Variants in SLC38A8 observed in about 807,000 individuals in gnomAD.
SLC38A8 encodes the protein amino acid transporter SLC38A8.
Under a neutral mutation model 46.0 loss-of-function variants are expected in SLC38A8, and 65 were observed. The ratio of observed to expected loss-of-function variants is 1.41; its 90% CI spans 1.16 to 1.74. The LOEUF (loss-of-function observed/expected upper bound fraction) is 1.74, where lower values mean the gene tolerates loss of function less well. Among genes scored for constraint, SLC38A8 ranks in the 40% most tolerant of loss-of-function variants. SLC38A8 has a pLI of 0.00. For synonymous variants in SLC38A8, 447 were observed against 243.7 expected (o/e 1.83, Z -7.77); for missense variants, 998 against 567.9 (o/e 1.76, Z -7.70).
intron 7 of SLC38A8, among the ~76,000 whole-genome samples, chr16:84,021,761 C>T (rs1213202512): frequency 6.6e-6 from 1 of 152,206 alleles, no homozygotes; most frequent in East Asian, 1.9e-4. Context: ...AACAGAATGC[C>T]TGAAATTGAG....
intron 9 of SLC38A8, 74 bp downstream of exon 9, chr16:84,016,445 C>G: frequency 6.5e-7 from 1 of 1,535,866 alleles, no homozygotes; most frequent in Non-Finnish European, 8.8e-7. Context: ...CCTTGACCTC[C>G]AACACTGGGA....
intron 6 of SLC38A8, among the ~76,000 whole-genome samples, chr16:84,029,053 G>A (rs2085203904): frequency 6.6e-6 from 1 of 152,022 alleles, no homozygotes; most frequent in South Asian, 2.1e-4. Context: ...TACCCCTCAG[G>A]AGGCAGGATC....
Position 84,042,179 on chromosome 16 carries a change from G to A in SLC38A8, c.-2-20C>T, listed in dbSNP as rs1289248478. ...CCATGGCTAGAGGCGGCAGAGGGGT[G>A]GAGAGAAAGCACAGTCTTCACGCTT... On this transcript the variant is annotated intron_variant, in intron 1 of 10. Transcript: ENST00000299709. 5.6e-6 allele frequency: 9 copies of A among 1,594,862 alleles called. No homozygotes were observed. The highest frequency in any genetic ancestry group is 7.7e-6 in the Non-Finnish European group (9 of 1,172,094).
intron 2 of SLC38A8, 143 bp from the exon 3 acceptor site, chr16:84,037,043 C>T: frequency 6.3e-6 from 5 of 799,344 alleles, no homozygotes; most frequent in Non-Finnish European, 8.0e-6. Context: ...GGCAGTCTAC[C>T]AGCTATGTCA....
At chr16:84,017,000 C>G (rs1217060130) in intron 8 of SLC38A8, 140 bp downstream of exon 8, 52 of 1,263,104 alleles carry the variant, frequency 4.1e-5, no homozygotes, top group Non-Finnish European at 5.5e-5. Context: ...TACCTAAATC[C>G]TCTGTGCCTG....
intron 2 of SLC38A8, among the ~76,000 whole-genome samples, chr16:84,039,707 C>T (rs1052913603): frequency 1.4e-5 from 2 of 144,498 alleles, no homozygotes; most frequent in African/African-American, 2.6e-5. Context: ...GAGATCACGC[C>T]ATTGCACTCC....
At chr16:84,017,449 T>G (rs544593462) in intron 7 of SLC38A8, among the ~76,000 whole-genome samples, 162 bp from the exon 8 acceptor site, 1 of 152,198 alleles carries the variant, frequency 6.6e-6, no homozygotes, top group Non-Finnish European at 1.5e-5. Context: ...GTCCTAAGCC[T>G]ACACATGACT....
intron 2 of SLC38A8, among the ~76,000 whole-genome samples, chr16:84,038,887 T>A (rs2085333842): frequency 6.6e-6 from 1 of 152,244 alleles, no homozygotes; most frequent in African/African-American, 2.4e-5. Flanking sequence ...TAGATCACAA[T>A]TAGCTGAGCA....
chr16:84,019,571 C>G (rs1436775689), intron 7 of SLC38A8, among the ~76,000 whole-genome samples: 1 of 152,180 alleles, frequency 6.6e-6, no homozygotes, highest in Admixed American at 6.5e-5. Flanking sequence ...GACAATCAAT[C>G]AAACCACAGC....
rs969781549 is a variant in SLC38A8, at chr16:84,034,884, G to A, written c.389-1415C>T. Among the ~76,000 whole-genome samples, 17 of 152,200 alleles carry A rather than the reference G, an allele frequency of 1.1e-4. No homozygotes were observed. In the South Asian group the frequency reaches 1.7e-3, roughly 15 times the overall value. ...CAGGGCCAACAGCAGGACTGTACCAGCTCCTTCCTAAACCCAGCGTTCCCG... is the reference window on the plus strand; with the variant it reads ...CAGGGCCAACAGCAGGACTGTACCAACTCCTTCCTAAACCCAGCGTTCCCG... On this transcript the variant is annotated intron_variant, in intron 3 of 10. Transcript: ENST00000299709.
chr16:84,022,391 G>A (rs947693740), intron 7 of SLC38A8, among the ~76,000 whole-genome samples: 3 of 152,166 alleles, frequency 2.0e-5, no homozygotes, highest in African/African-American at 4.8e-5. Flanking sequence ...TGAGTCCACT[G>A]CACCCACAAA....
At position 84,016,653 on chromosome 16, in the gene SLC38A8, C is replaced by A; in HGVS notation, c.1028G>T (p.Gly343Val). Residue 343 changes from glycine (G) to valine (V), a missense_variant, in exon 9 of 11, where the codon GGG becomes GTG. Gly to Val is a moderately radical substitution (Grantham distance 109, BLOSUM62 -3). Transcript: ENST00000299709. ...GGTCAGCGGCATCCGGACCCACAGC[C>A]CTGAGGGGTCGGCCAGGGCGCTGGG... is the stretch of plus-strand genomic sequence containing the variant. ...WGPSALADPS[G>V]LWVRMPLTIL... The A allele has an allele frequency of 1.2e-6, 2 of 1,613,842 alleles. 1 individual carries two copies. Among genetic ancestry groups the A allele is most frequent in the South Asian group, 2.2e-5 (2 of 91,084 alleles).
chr16:84,021,466 G>C (rs1279090324), intron 7 of SLC38A8, among the ~76,000 whole-genome samples: 1 of 152,154 alleles, frequency 6.6e-6, no homozygotes, highest in Non-Finnish European at 1.5e-5. Flanking sequence ...CTTTACTCCA[G>C]CTTCCAAAAC....
At chr16:84,014,845 T>A (rs912609811) in intron 9 of SLC38A8, among the ~76,000 whole-genome samples, 2 of 152,180 alleles carry the variant, frequency 1.3e-5, no homozygotes, top group African/African-American at 4.8e-5. Context: ...ATAACCAACA[T>A]TTCTCTGTGG....
intron 3 of SLC38A8, among the ~76,000 whole-genome samples, chr16:84,035,929 G>C (rs145115045): frequency 4.6e-5 from 7 of 152,310 alleles, no homozygotes; most frequent in Non-Finnish European, 7.4e-5. Context: ...CACAGCTGTT[G>C]ACTGCCTTGA....
At chr16:84,022,551 T>C (rs2085107115) in intron 7 of SLC38A8, among the ~76,000 whole-genome samples, 1 of 152,180 alleles carries the variant, frequency 6.6e-6, no homozygotes, top group African/African-American at 2.4e-5. Flanking sequence ...GCTTTGCAGA[T>C]CTAGCTGTGA....
At chr16:84,040,447 C>A (rs2085355033) in intron 2 of SLC38A8, among the ~76,000 whole-genome samples, 2 of 152,214 alleles carry the variant, frequency 1.3e-5, no homozygotes, top group Admixed American at 6.5e-5. Context: ...CCTGCAGGGC[C>A]AGCATCTGCA....
At chr16:84,032,906 G>A (rs1597272980) in intron 4 of SLC38A8, among the ~76,000 whole-genome samples, 1 of 96,248 alleles carries the variant, frequency 1.0e-5, no homozygotes, top group South Asian at 2.9e-4. Context: ...GTGTGGGTGG[G>A]TGAGCATGGG....
intron 5 of SLC38A8, 90 bp from the exon 6 acceptor site, chr16:84,029,641 G>C: frequency 7.7e-7 from 1 of 1,305,070 alleles, no homozygotes; most frequent in Non-Finnish European, 1.1e-6. Flanking sequence ...AGGATGCTGG[G>C]AAAATGTAAC....
Sources: gnomAD v4.1 joint callset for allele counts (sites outside exome capture counted in the v4.1 genomes callset) on GRCh38, gnomAD v4.1.1 for gene constraint, MANE v1.5 for transcripts, NCBI Gene and HGNC (gene_info 2026-07-23, HGNC 2026-07-21) for gene names.